The following ZFAT variants were observed in gnomAD, a reference collection of about 807,000 sequenced individuals.
The protein encoded by ZFAT is zinc finger protein ZFAT.
ZFAT carries 64 observed loss-of-function variants against 117.7 expected under a neutral mutation model. The ratio of observed to expected loss-of-function variants is 0.54; its 90% CI spans 0.44 to 0.67. ZFAT has a LOEUF of 0.67. Among genes scored for constraint, ZFAT ranks in the 30% least tolerant of loss-of-function variants. ZFAT has a pLI of 0.00. For synonymous variants in ZFAT, 679 were observed against 615.0 expected, an observed-to-expected ratio of 1.10 and a Z score of -1.54; for missense variants, 1,433 against 1,584.5, an observed-to-expected ratio of 0.90 and a Z score of 1.62.
At chr8:134,656,919 T>C (rs1831641493) in intron 2 of ZFAT, among the ~76,000 whole-genome samples, 1 of 152,218 alleles carries the variant, frequency 6.6e-6, no homozygotes, top group Admixed American at 6.5e-5. Flanking sequence ...CAGTGACAGA[T>C]GTCCAGACAC....
At chr8:134,611,638 T>C (rs1828338111) in intron 3 of ZFAT, among the ~76,000 whole-genome samples, 1 of 152,232 alleles carries the variant, frequency 6.6e-6, no homozygotes, top group African/African-American at 2.4e-5. Context: ...CTGCTGGGTC[T>C]TCTGATGGCT....
the ZFAT span, among the ~76,000 whole-genome samples, chr8:134,824,553 C>G: frequency 6.6e-6 from 1 of 152,314 alleles, no homozygotes; most frequent in African/African-American, 2.4e-5. Flanking sequence ...AGCACACTCT[C>G]AGCAAGAGTT....
intron 2 of ZFAT, among the ~76,000 whole-genome samples, chr8:134,654,084 G>A (rs1831445854): frequency 6.6e-6 from 1 of 152,158 alleles, no homozygotes; most frequent in Admixed American, 6.6e-5. Flanking sequence ...ATCACCTGAA[G>A]TCAGAAGTTC....
intron 12 of ZFAT, among the ~76,000 whole-genome samples, chr8:134,526,597 G>A (rs1199913219): frequency 6.6e-6 from 1 of 152,214 alleles, no homozygotes; most frequent in East Asian, 1.9e-4. Flanking sequence ...TTTTTGGAAT[G>A]CAATATATTC....
intron 11 of ZFAT, among the ~76,000 whole-genome samples, chr8:134,549,303 T>C (rs1273928703): frequency 1.3e-5 from 2 of 151,764 alleles, no homozygotes; most frequent in Non-Finnish European, 2.9e-5. Context: ...TAGCCAGGCG[T>C]GGGGGCAGGC....
chr8:134,623,876 C>A (rs1201966571), intron 3 of ZFAT, among the ~76,000 whole-genome samples: 1 of 152,064 alleles, frequency 6.6e-6, no homozygotes, highest in African/African-American at 2.4e-5. Context: ...ACCCACCTCA[C>A]CTGCTCTCCA....
At chr8:134,642,626 T>G (rs1454628817) in intron 2 of ZFAT, among the ~76,000 whole-genome samples, 3 of 152,202 alleles carry the variant, frequency 2.0e-5, no homozygotes. Context: ...ATTTTTTCCT[T>G]GAGTTCTTCA....
intron 15 of ZFAT, among the ~76,000 whole-genome samples, chr8:134,483,160 C>T (rs879792197): frequency 1.6e-4 from 24 of 152,222 alleles, no homozygotes; most frequent in Admixed American, 5.9e-4. Flanking sequence ...TTCCTTGCTC[C>T]CACGGCACCC....
chr8:134,652,221 C>A (rs536077601), intron 2 of ZFAT, among the ~76,000 whole-genome samples: 1 of 152,258 alleles, frequency 6.6e-6, no homozygotes, highest in East Asian at 1.9e-4. Flanking sequence ...GAGCCCAGAT[C>A]GTGCCACTGC....
intron 1 of ZFAT, among the ~76,000 whole-genome samples, chr8:134,665,333 G>T (rs1332062177): frequency 3.3e-5 from 5 of 152,226 alleles, no homozygotes; most frequent in Non-Finnish European, 7.3e-5. Context: ...CTCAAGGGAA[G>T]GGGTGATGAG....
intron 15 of ZFAT, among the ~76,000 whole-genome samples, chr8:134,489,206 C>G (rs1020877604): frequency 6.6e-6 from 1 of 152,132 alleles, no homozygotes; most frequent in African/African-American, 2.4e-5. Flanking sequence ...GAAGAGGAGG[C>G]AGAAAGCCTC....
chr8:134,604,106 T>C (rs1827711535), intron 5 of ZFAT, among the ~76,000 whole-genome samples: 1 of 152,238 alleles, frequency 6.6e-6, no homozygotes, highest in South Asian at 2.1e-4. Flanking sequence ...TCTCTTTCAC[T>C]AATGTGTGTG....
At chr8:134,741,656 A>G in the ZFAT span, among the ~76,000 whole-genome samples, 1 of 152,016 alleles carries the variant, frequency 6.6e-6, no homozygotes, top group African/African-American at 2.4e-5. Context: ...ATTACCATCT[A>G]TACGCTGAGG....
the ZFAT span, among the ~76,000 whole-genome samples, chr8:134,804,149 A>C: frequency 1.3e-5 from 2 of 152,238 alleles, no homozygotes; most frequent in Non-Finnish European, 2.9e-5. Context: ...GATTATTCAG[A>C]TCTGTGGGGA....
At chr8:134,487,313 A>G (rs1221662965) in intron 15 of ZFAT, among the ~76,000 whole-genome samples, 1 of 152,024 alleles carries the variant, frequency 6.6e-6, no homozygotes, top group Non-Finnish European at 1.5e-5. Flanking sequence ...TCTCATAATG[A>G]CCTGAAAAGG....
intron 3 of ZFAT, among the ~76,000 whole-genome samples, chr8:134,633,793 C>CCAA (rs1830037806): frequency 6.6e-6 from 1 of 152,218 alleles, no homozygotes; most frequent in African/African-American, 2.4e-5. Flanking sequence ...ACCTATAATC[C>CCAA]CAACACTTTG....
At chr8:134,661,843 G>A (rs1165016899) in intron 1 of ZFAT, among the ~76,000 whole-genome samples, 2 of 152,212 alleles carry the variant, frequency 1.3e-5, no homozygotes, top group African/African-American at 4.8e-5. Flanking sequence ...TCAGGATGCA[G>A]ATGCCTACTA....
intron 2 of ZFAT, among the ~76,000 whole-genome samples, chr8:134,656,140 T>C (rs994301643): frequency 6.6e-6 from 1 of 152,108 alleles, no homozygotes; most frequent in Admixed American, 6.5e-5. Context: ...ACAGGCTGGG[T>C]GGGCAGAGGG....
intron 13 of ZFAT, among the ~76,000 whole-genome samples, chr8:134,513,617 A>C (rs1820025044): frequency 6.6e-6 from 1 of 152,236 alleles, no homozygotes; most frequent in African/African-American, 2.4e-5. Context: ...AAGAGGTGGA[A>C]CAGAATTTTT....
Sources: gnomAD v4.1 joint callset for allele counts (sites outside exome capture counted in the v4.1 genomes callset) on GRCh38, gnomAD v4.1.1 for gene constraint, MANE v1.5 for transcripts, NCBI Gene and HGNC (gene_info 2026-07-23, HGNC 2026-07-21) for gene names.